The following FMNL2 variants were observed in gnomAD, a reference collection of about 807,000 sequenced individuals.
FMNL2 encodes the protein formin like 2, also known as formin-like protein 2.
A neutral mutation model predicts 130.2 loss-of-function variants in FMNL2; 51 were observed. The ratio of observed to expected loss-of-function variants is 0.39; its 90% CI spans 0.31 to 0.49. The LOEUF (loss-of-function observed/expected upper bound fraction) is 0.49. Among genes scored for constraint, FMNL2 ranks in the 20% least tolerant of loss-of-function variants. The pLI is 0.85. For synonymous variants in FMNL2, 465 were observed against 467.1 expected (o/e 1.00, Z 0.06); for missense variants, 977 against 1,316.2 (o/e 0.74, Z 3.99).
chr2:152,580,801 GT>G (rs2105723375), intron 8 of FMNL2, among the ~76,000 whole-genome samples, 154 bp from the exon 9 acceptor site: 1 of 152,284 alleles, frequency 6.6e-6, no homozygotes, highest in Non-Finnish European at 1.5e-5. Context: ...GTCAGTAAAG[GT>G]TTAAAAATGT....
chr2:152,490,251 C>T (rs1438453304), intron 1 of FMNL2, among the ~76,000 whole-genome samples: 3 of 147,862 alleles, frequency 2.0e-5, no homozygotes, highest in Non-Finnish European at 4.5e-5. Flanking sequence ...AATGAGTTTA[C>T]AATAAATAAG....
intron 1 of FMNL2, among the ~76,000 whole-genome samples, chr2:152,441,562 C>T (rs991227923): frequency 3.3e-5 from 5 of 150,504 alleles, no homozygotes; most frequent in Non-Finnish European, 7.4e-5. Flanking sequence ...GGAGGCCAGG[C>T]GTGGTGGTTC....
chr2:152,610,034 G>A (rs766976592), intron 10 of FMNL2, among the ~76,000 whole-genome samples: 3 of 152,124 alleles, frequency 2.0e-5, no homozygotes, highest in Non-Finnish European at 2.9e-5. Flanking sequence ...AGGGCCAGTG[G>A]TGAAGTTGTG....
intron 4 of FMNL2, among the ~76,000 whole-genome samples, chr2:152,554,647 T>A (rs1446466070): frequency 2.6e-5 from 4 of 152,236 alleles, no homozygotes; most frequent in Non-Finnish European, 5.9e-5. Context: ...CTGACGGTGG[T>A]GAATACAGGT....
chr2:152,484,403 G>A (rs1156414772), intron 1 of FMNL2, among the ~76,000 whole-genome samples: 1 of 151,976 alleles, frequency 6.6e-6, no homozygotes, highest in Non-Finnish European at 1.5e-5. Flanking sequence ...ACTTTGGGAG[G>A]CTGAGGTAGG....
intron 1 of FMNL2, among the ~76,000 whole-genome samples, chr2:152,338,092 A>G (rs147142201): frequency 6.6e-6 from 1 of 152,112 alleles, no homozygotes; most frequent in East Asian, 1.9e-4. Flanking sequence ...TTGCTTAAGA[A>G]ATCAGTTCAA....
intron 18 of FMNL2, 61 bp downstream of exon 18, chr2:152,628,594 A>G: frequency 6.9e-7 from 1 of 1,445,914 alleles, no homozygotes; most frequent in Non-Finnish European, 9.7e-7. Flanking sequence ...GTTATTTTTT[A>G]AAGTCTCTCC....
chr2:152,534,007 T>C (rs768316981), intron 2 of FMNL2, among the ~76,000 whole-genome samples: 39 of 152,162 alleles, frequency 2.6e-4, no homozygotes, highest in African/African-American at 8.4e-4. Flanking sequence ...CAAAACCCAG[T>C]TTTATAATTA....
At chr2:152,386,556 C>A (rs1470141889) in intron 1 of FMNL2, among the ~76,000 whole-genome samples, 4 of 152,128 alleles carry the variant, frequency 2.6e-5, no homozygotes, top group Non-Finnish European at 4.4e-5. Flanking sequence ...TTTTCATTAG[C>A]AGCTTTCTTT....
chr2:152,543,597 A>G (rs2105500547), intron 3 of FMNL2, among the ~76,000 whole-genome samples: 1 of 152,140 alleles, frequency 6.6e-6, no homozygotes, highest in African/African-American at 2.4e-5. Context: ...TCAGTGTGTG[A>G]TTCTTGAGAA....
intron 8 of FMNL2, 59 bp downstream of exon 8, chr2:152,579,023 C>CT: frequency 7.4e-7 from 1 of 1,345,868 alleles, no homozygotes; most frequent in South Asian, 1.3e-5. Context: ...GAGGGCTAGT[C>CT]AACACTTAAC....
chr2:152,618,393 T>C (rs959825220), intron 13 of FMNL2, among the ~76,000 whole-genome samples: 1 of 152,188 alleles, frequency 6.6e-6, no homozygotes, highest in Non-Finnish European at 1.5e-5. Flanking sequence ...TATTCCATGC[T>C]TTGCAGATTT....
rs1255360657 is a variant in FMNL2, at chr2:152,625,231, T to C, written c.1838-207T>C. 1.2e-5 allele frequency: 6 copies of C among 483,676 alleles called. No homozygotes were observed. In the East Asian group the frequency reaches 1.5e-4, roughly 12 times the overall value. The allele number at this position is 483,676 out of a possible 1,614,324, so 30.0% of individuals were successfully genotyped here. On this transcript the variant is annotated intron_variant, in intron 15 of 25. Transcript: ENST00000288670. The stretch of plus-strand genomic sequence containing the variant: ...GCCCTTAAGACGTCTTTTAATACAA[T>C]GATGTGTTAGTCAACCAAATGATGA...
intron 16 of FMNL2, 146 bp downstream of exon 16, chr2:152,625,708 A>G: frequency 1.0e-6 from 1 of 963,262 alleles, no homozygotes; most frequent in Non-Finnish European, 1.5e-6. Context: ...GTAATATTGG[A>G]GAATAACATT....
At chr2:152,541,998 T>G (rs879801783) in intron 2 of FMNL2, among the ~76,000 whole-genome samples, 1 of 152,176 alleles carries the variant, frequency 6.6e-6, no homozygotes, top group Non-Finnish European at 1.5e-5. Context: ...CAAAGTATGG[T>G]TCCTCTTTTG....
At chr2:152,624,797 A>C (rs1462393746) in intron 15 of FMNL2, among the ~76,000 whole-genome samples, 1 of 152,222 alleles carries the variant, frequency 6.6e-6, no homozygotes, top group Non-Finnish European at 1.5e-5. Context: ...TGATTGCGGC[A>C]CTGCACTGCA....
At chr2:152,335,871 A>C (rs1681385568) in intron 1 of FMNL2, among the ~76,000 whole-genome samples, 151 bp downstream of exon 1, 2 of 142,900 alleles carry the variant, frequency 1.4e-5, no homozygotes, top group Non-Finnish European at 1.5e-5. Flanking sequence ...GCCCCCCAGC[A>C]CTCCTCTTCA....
At chr2:152,489,939 A>AG (rs1691049807) in intron 1 of FMNL2, among the ~76,000 whole-genome samples, 1 of 152,202 alleles carries the variant, frequency 6.6e-6, no homozygotes, top group African/African-American at 2.4e-5. Context: ...TGTTGCCACT[A>AG]GGGGATATAA....
rs35588394 is a variant in FMNL2 at position 152,411,506 on chromosome 2, G to A, written c.117+75786G>A. ...GAGTGAGAAGTGGTGTATGAAGTTG[G>A]TCCTAAAATCCACTCCTCCCATCTC... On this transcript the variant is annotated intron_variant, in intron 1 of 25. Transcript: ENST00000288670. 8.3e-3 allele frequency among the ~76,000 whole-genome samples: 1,265 copies of A among 152,248 alleles called. 13 individuals carry two copies. The highest frequency in any genetic ancestry group is 0.024 in the African/African-American group (983 of 41,538).
Sources: allele counts gnomAD v4.1 joint callset (sites outside exome capture counted in the v4.1 genomes callset), GRCh38; gene constraint gnomAD v4.1.1; transcripts MANE v1.5; gene names NCBI Gene and HGNC (gene_info 2026-07-23, HGNC 2026-07-21).